The following RIC1 variants were observed in gnomAD, a reference collection of about 807,000 sequenced individuals.
RIC1 encodes RIC1 partner of RAB6A GEF complex.
RIC1 carries 88 observed loss-of-function variants against 169.0 expected under a neutral mutation model. That is an observed-to-expected ratio of 0.52 (90% confidence interval 0.44 to 0.62). The LOEUF (loss-of-function observed/expected upper bound fraction) is 0.62, where lower values mean the gene tolerates loss of function less well. RIC1 is among the 20% of genes least tolerant of loss of function. RIC1 has a pLI of 0.00. For synonymous variants in RIC1, 790 were observed against 601.5 expected, an observed-to-expected ratio of 1.31 and a Z score of -4.59; for missense variants, 1,877 against 1,725.5, an observed-to-expected ratio of 1.09 and a Z score of -1.56.
chr9:5,650,323 G>T (rs908734629), intron 1 of RIC1, among the ~76,000 whole-genome samples: 1 of 152,066 alleles, frequency 6.6e-6, no homozygotes, highest in African/African-American at 2.4e-5. Flanking sequence ...GTGCGTATGT[G>T]TGAGTGGCAG....
intron 4 of RIC1, among the ~76,000 whole-genome samples, chr9:5,717,079 C>T (rs2130845657): frequency 6.6e-6 from 1 of 152,318 alleles, no homozygotes; most frequent in African/African-American, 2.4e-5. Context: ...AAAAGCCTAT[C>T]TGCTAATTCC....
Position 5,776,292 on chromosome 9 carries a change from T to G in RIC1, c.*2046T>G, listed in dbSNP as rs1052710450. ...TTTGGTAATTTATTTGTTATATACC[T>G]TAATTTTTAAAAACCCATTTTTATT... On this transcript the variant is annotated 3_prime_UTR_variant, in exon 26 of 26. Transcript: ENST00000414202. 1 of 152,174 alleles carries G rather than the reference T, an allele frequency of 6.6e-6. No homozygotes were observed. Among genetic ancestry groups the G allele is most frequent in the Non-Finnish European group, 1.5e-5 (1 of 67,998 alleles). The allele number at this position is 152,174 out of a possible 1,614,324, so 9.4% of individuals were successfully genotyped here. A position where few individuals can be genotyped will look rare whatever the true frequency, so the allele number is the denominator to read the frequency against.
At chr9:5,712,440 C>T (rs918737376) in intron 3 of RIC1, among the ~76,000 whole-genome samples, 24 of 152,234 alleles carry the variant, frequency 1.6e-4, no homozygotes, top group Non-Finnish European at 2.8e-4. Flanking sequence ...GCAATCTACT[C>T]ATCTGACAAA....
chr9:5,742,747 A>G (rs879332737), intron 8 of RIC1, 122 bp from the exon 9 acceptor site: 18 of 843,852 alleles, frequency 2.1e-5, no homozygotes, highest in Middle Eastern at 3.7e-4. Context: ...TTATTTTTGG[A>G]AGCAGTCATA....
At chr9:5,695,811 T>A (rs1027822383) in intron 3 of RIC1, among the ~76,000 whole-genome samples, 4 of 152,074 alleles carry the variant, frequency 2.6e-5, no homozygotes, top group African/African-American at 9.7e-5. Flanking sequence ...CCTCAAGTGA[T>A]CTGCCTGCCT....
At chr9:5,710,681 G>T (rs1457448177) in intron 3 of RIC1, among the ~76,000 whole-genome samples, 2 of 152,156 alleles carry the variant, frequency 1.3e-5, no homozygotes, top group African/African-American at 4.8e-5. Flanking sequence ...AAAGTAAACA[G>T]ATACTTGAAG....
At position 5,745,948 on chromosome 9, in the gene RIC1, C is replaced by G. The variant is rs548474321; in HGVS notation, c.1113C>G (p.Gly371=). 1 of 1,613,328 alleles carries G rather than the reference C, an allele frequency of 6.2e-7. No homozygotes were observed. Among genetic ancestry groups the G allele is most frequent in the South Asian group, 1.1e-5 (1 of 91,026 alleles). Residue 371 remains glycine, a synonymous_variant, in exon 11 of 26, where the codon GGC becomes GGG. Transcript: ENST00000414202. ...KINSMSWGAE[G]YHLWVISGFG... ...TCTCTAAGAGCTGGGGTGCAGAAGG[C>G]TATCACCTATGGGTAATCAGCGGAT... is the stretch of plus-strand genomic sequence containing the variant.
chr9:5,749,905 A>G (rs1247910522), intron 12 of RIC1, among the ~76,000 whole-genome samples: 1 of 150,212 alleles, frequency 6.7e-6, no homozygotes, highest in East Asian at 2.0e-4. Flanking sequence ...CAGCCTCCCA[A>G]GTAGCTGGGA....
At chr9:5,683,363 C>T (rs994615030) in intron 2 of RIC1, among the ~76,000 whole-genome samples, 1 of 152,184 alleles carries the variant, frequency 6.6e-6, no homozygotes, top group East Asian at 1.9e-4. Context: ...TTCCCTCTAA[C>T]AGTCAGGACC....
At chr9:5,714,397 A>G (rs1823113194) in intron 4 of RIC1, among the ~76,000 whole-genome samples, 1 of 152,190 alleles carries the variant, frequency 6.6e-6, no homozygotes, top group Non-Finnish European at 1.5e-5. Flanking sequence ...GAAGAAAGTT[A>G]CACTTTTTCA....
At chr9:5,721,003 C>T (rs1345761580) in intron 6 of RIC1, among the ~76,000 whole-genome samples, 5 of 152,084 alleles carry the variant, frequency 3.3e-5, no homozygotes, top group African/African-American at 1.2e-4. Context: ...ACTTGTTATT[C>T]CTTTACTGGT....
In RIC1 at chr9:5,738,545, CTTTTTTTTT is replaced by C; in HGVS notation, c.901+20_901+28del. The C allele has an allele frequency of 3.7e-6, 3 of 815,004 alleles. No homozygotes were observed. The highest frequency in any genetic ancestry group is 2.2e-5 in the African/African-American group (1 of 45,418). 50.5% of individuals were successfully genotyped at this position (815,004 alleles called of 1,614,324 possible). A position where few individuals can be genotyped will look rare whatever the true frequency, so the allele number is the denominator to read the frequency against. On this transcript the variant is annotated splice_region_variant and intron_variant, in intron 8 of 25. Coordinates refer to ENST00000414202, the MANE Select transcript of RIC1 (RefSeq NM_020829.4). ...ACAGCAAAACAGTATCCTGGTGAGT[CTTTTTTTTT>C]TTTTTTTTTTTTAACATTTTTAATG...
intron 2 of RIC1, among the ~76,000 whole-genome samples, chr9:5,663,343 C>T (rs1419274237): frequency 6.6e-6 from 1 of 151,912 alleles, no homozygotes; most frequent in African/African-American, 2.4e-5. Flanking sequence ...CTGTCAGGTC[C>T]ACTTGATCTA....
rs994750820 is a variant in RIC1 at position 5,775,188 on chromosome 9, T to G, written c.*942T>G. The G allele has an allele frequency of 2.6e-5, 4 of 152,240 alleles. No homozygotes were observed. The highest frequency in any genetic ancestry group is 7.2e-5 in the African/African-American group (3 of 41,466). The allele number at this position is 152,240 out of a possible 1,614,324, so 9.4% of individuals were successfully genotyped here. ...GCAGCAAGTTTTGTGCAAATTAACA[T>G]AGTCTCTTATTTATTGCTTTTGTAA... On this transcript the variant is annotated 3_prime_UTR_variant, in exon 26 of 26. Coordinates refer to ENST00000414202, the MANE Select transcript of RIC1 (RefSeq NM_020829.4).
At chr9:5,652,461 C>G (rs867644067) in intron 1 of RIC1, among the ~76,000 whole-genome samples, 4 of 151,812 alleles carry the variant, frequency 2.6e-5, no homozygotes, top group African/African-American at 9.7e-5. Flanking sequence ...TTTTTTATAG[C>G]TATTAATAAG....
At chr9:5,662,467 G>GT (rs142644125) in intron 2 of RIC1, among the ~76,000 whole-genome samples, 46,978 of 145,426 alleles carry the variant, frequency 0.32, 8,011 homozygotes, top group East Asian at 0.57. Flanking sequence ...TCCTGGGCTG[G>GT]TTTTTTTTTT....
chr9:5,660,409 G>A (rs1819384918), intron 2 of RIC1, among the ~76,000 whole-genome samples: 1 of 152,118 alleles, frequency 6.6e-6, no homozygotes, highest in South Asian at 2.1e-4. Flanking sequence ...TCTGCCTCTA[G>A]GTCTTTGAGG....
At chr9:5,747,212 A>G in intron 11 of RIC1, 90 bp from the exon 12 acceptor site, 1 of 930,008 alleles carries the variant, frequency 1.1e-6, no homozygotes, top group South Asian at 1.5e-5. Flanking sequence ...TAATAAAACT[A>G]AATCGATGTG....
chr9:5,681,574 A>G (rs1003342363), intron 2 of RIC1, among the ~76,000 whole-genome samples: 9 of 152,314 alleles, frequency 5.9e-5, no homozygotes, highest in Admixed American at 3.3e-4. Context: ...TATGTGGTCA[A>G]TTTTGGAATA....
Sources: gnomAD v4.1 joint callset for allele counts (sites outside exome capture counted in the v4.1 genomes callset) on GRCh38, gnomAD v4.1.1 for gene constraint, MANE v1.5 for transcripts, NCBI Gene and HGNC (gene_info 2026-07-23, HGNC 2026-07-21) for gene names.